Variants in ITPR1 observed in about 807,000 individuals in gnomAD.
The protein encoded by ITPR1 is inositol 1,4,5-trisphosphate receptor type 1.
Under a neutral mutation model 318.4 loss-of-function variants are expected in ITPR1, and 96 were observed. That is an observed-to-expected ratio of 0.30 (90% CI 0.26 to 0.36). The LOEUF (loss-of-function observed/expected upper bound fraction) is 0.36. ITPR1 is among the 10% of genes least tolerant of loss of function. The probability of loss-of-function intolerance (pLI) is 1.00; values close to 1 mark genes in which losing one functional copy is unlikely to be tolerated. For synonymous variants in ITPR1, 1,312 were observed against 1,289.9 expected (o/e 1.02, Z -0.37); for missense variants, 2,440 against 3,460.2 (o/e 0.71, Z 7.40).
intron 44 of ITPR1, among the ~76,000 whole-genome samples, chr3:4,764,954 A>C (rs758491722): frequency 2.1e-4 from 10 of 46,594 alleles, no homozygotes; most frequent in African/African-American, 4.7e-4. Context: ...GGCTGGATGG[A>C]TGGATGGATG....
At chr3:4,636,851 C>T (rs750457315) in intron 5 of ITPR1, among the ~76,000 whole-genome samples, 2 of 152,140 alleles carry the variant, frequency 1.3e-5, no homozygotes, top group African/African-American at 2.4e-5. Context: ...TAGAGCTGCT[C>T]GTGTTTAATT....
At chr3:4,592,372 G>A (rs2090460397) in intron 4 of ITPR1, among the ~76,000 whole-genome samples, 1 of 152,146 alleles carries the variant, frequency 6.6e-6, no homozygotes, top group African/African-American at 2.4e-5. Context: ...ATCAAATTTT[G>A]CTCATGAAGT....
At chr3:4,528,225 C>T (rs560163399) in intron 4 of ITPR1, among the ~76,000 whole-genome samples, 92 of 152,330 alleles carry the variant, frequency 6.0e-4, no homozygotes, top group Non-Finnish European at 1.1e-3. Flanking sequence ...TTTCATCCAG[C>T]TTGAAACTTT....
intron 8 of ITPR1, 82 bp from the exon 9 acceptor site, chr3:4,645,305 G>C: frequency 2.2e-6 from 2 of 915,294 alleles, no homozygotes; most frequent in East Asian, 5.0e-5. Flanking sequence ...TTGCTTCCTA[G>C]GCTGCGGTGA....
intron 33 of ITPR1, 67 bp downstream of exon 33, chr3:4,693,808 G>C: frequency 6.6e-7 from 1 of 1,518,066 alleles, no homozygotes; most frequent in Non-Finnish European, 8.9e-7. Flanking sequence ...TGGCTCACTG[G>C]GAGACATGGT....
At chr3:4,588,183 A>G (rs1160313955) in intron 4 of ITPR1, among the ~76,000 whole-genome samples, 1 of 152,178 alleles carries the variant, frequency 6.6e-6, no homozygotes, top group Non-Finnish European at 1.5e-5. Context: ...ATGATTTTCT[A>G]TTATATAAGA....
intron 4 of ITPR1, among the ~76,000 whole-genome samples, chr3:4,597,994 T>C (rs1321608016): frequency 6.6e-6 from 1 of 152,258 alleles, no homozygotes; most frequent in East Asian, 1.9e-4. Flanking sequence ...ATCCTTCAGC[T>C]TTCCTGCGGT....
chr3:4,625,632 C>T (rs1361318380), intron 4 of ITPR1, among the ~76,000 whole-genome samples: 1 of 151,928 alleles, frequency 6.6e-6, no homozygotes, highest in Non-Finnish European at 1.5e-5. Flanking sequence ...TCTCGGCTCA[C>T]TGCAAGCTCT....
chr3:4,810,721 G>T (rs1483982842), intron 55 of ITPR1, among the ~76,000 whole-genome samples: 1 of 152,208 alleles, frequency 6.6e-6, no homozygotes. Context: ...AGGAAATGGA[G>T]ACTCAGAGGG....
chr3:4,590,523 T>TAAG (rs2090310707), intron 4 of ITPR1, among the ~76,000 whole-genome samples: 1 of 149,536 alleles, frequency 6.7e-6, no homozygotes, highest in Non-Finnish European at 1.5e-5. Flanking sequence ...TTGTTCTTCT[T>TAAG]AATAATAATA....
chr3:4,733,524 G>A (rs575812730), intron 43 of ITPR1, among the ~76,000 whole-genome samples: 3 of 152,104 alleles, frequency 2.0e-5, no homozygotes, highest in Admixed American at 1.3e-4. Context: ...TTCGTCCCGT[G>A]GTTGTTAGGA....
At chr3:4,552,891 A>G (rs1345840433) in intron 4 of ITPR1, among the ~76,000 whole-genome samples, 1 of 152,152 alleles carries the variant, frequency 6.6e-6, no homozygotes, top group East Asian at 1.9e-4. Flanking sequence ...TAGGGGTTGT[A>G]TGCCAGGAAA....
chr3:4,706,499 A>G, intron 37 of ITPR1, 148 bp downstream of exon 37: 1 of 644,142 alleles, frequency 1.6e-6, no homozygotes, highest in South Asian at 3.0e-5. Flanking sequence ...TTATATATGT[A>G]GGGCCAGGAG....
intron 4 of ITPR1, among the ~76,000 whole-genome samples, chr3:4,523,483 G>A (rs1012144172): frequency 6.6e-6 from 1 of 151,426 alleles, no homozygotes; most frequent in Non-Finnish European, 1.5e-5. Context: ...TCAAATATAC[G>A]GTGTATTGTT....
chr3:4,699,692 T>C, intron 34 of ITPR1, 121 bp from the exon 35 acceptor site: 2 of 833,916 alleles, frequency 2.4e-6, no homozygotes, highest in Non-Finnish European at 3.8e-6. Context: ...AGGGGAGAAA[T>C]ATTGGCCAGC....
chr3:4,621,163 GAGAAATACA>G (rs1327089056), intron 4 of ITPR1, among the ~76,000 whole-genome samples: 1 of 152,028 alleles, frequency 6.6e-6, no homozygotes, highest in Non-Finnish European at 1.5e-5. Context: ...CACTGCTACA[GAGAAATACA>G]AGATATACAA....
At chr3:4,686,922 C>T (rs1574859670) in intron 30 of ITPR1, among the ~76,000 whole-genome samples, 1 of 152,228 alleles carries the variant, frequency 6.6e-6, no homozygotes, top group African/African-American at 2.4e-5. Context: ...AGGTTCACCA[C>T]CCCTCCTGTT....
At chr3:4,743,836 T>C (rs762813545) in intron 44 of ITPR1, among the ~76,000 whole-genome samples, 16 of 151,264 alleles carry the variant, frequency 1.1e-4, no homozygotes, top group Non-Finnish European at 2.2e-4. Flanking sequence ...TTCGTTTGTC[T>C]GTTTGTTTGT....
At chr3:4,565,485 G>A (rs569493014) in intron 4 of ITPR1, among the ~76,000 whole-genome samples, 2 of 152,312 alleles carry the variant, frequency 1.3e-5, no homozygotes, top group African/African-American at 2.4e-5. Context: ...GTTAATACTT[G>A]TGAAGCACTT....
Sources: allele counts gnomAD v4.1 joint callset (sites outside exome capture counted in the v4.1 genomes callset), GRCh38; gene constraint gnomAD v4.1.1; transcripts MANE v1.5; gene names NCBI Gene and HGNC (gene_info 2026-07-23, HGNC 2026-07-21).